Variants in USP42 observed in about 807,000 individuals in gnomAD.
The protein encoded by USP42 is ubiquitin specific peptidase 42.
Under a neutral mutation model 113.0 loss-of-function variants are expected in USP42, and 23 were observed. The ratio of observed to expected loss-of-function variants is 0.20; its 90% CI spans 0.15 to 0.29. USP42 has a LOEUF of 0.29. Ranked by LOEUF, USP42 falls within the 10% of genes least tolerant of loss-of-function variation. The pLI is 1.00. For synonymous variants in USP42, 933 were observed against 699.0 expected (o/e 1.33, Z -5.28); for missense variants, 2,174 against 1,779.8 (o/e 1.22, Z -3.99).
At position 6,139,553 on chromosome 7, in the gene USP42, G is replaced by A. The variant is rs1583646399; in HGVS notation, c.656+359G>A. The A allele has an allele frequency of 4.9e-6, 1 of 204,088 alleles. No individual in the cohort carries two copies. The highest frequency in any genetic ancestry group is 1.0e-4 in the South Asian group (1 of 9,864). The allele number at this position is 204,088 out of a possible 1,614,324, so 12.6% of individuals were successfully genotyped here. On this transcript the variant is annotated intron_variant, in intron 5 of 17. Transcript: ENST00000306177. The surrounding 1 kb of genome is among the most constrained non-coding windows in gnomAD (Gnocchi z 4.5). ...TTTTCTCTGCTGCCCTCCAGCCTGT[G>A]TTTATTTCCTGAACCCCCACCCCAA...
intron 3 of USP42, among the ~76,000 whole-genome samples, chr7:6,123,208 A>G (rs10257971): frequency 0.079 from 11,971 of 152,196 alleles, 631 homozygotes; most frequent in African/African-American, 0.14. Flanking sequence ...TTGCTCTGAA[A>G]TCTACTTCAT....
the USP42 span, among the ~76,000 whole-genome samples, chr7:6,093,694 C>T: frequency 2.8e-5 from 4 of 144,082 alleles, no homozygotes; most frequent in African/African-American, 8.0e-5. Context: ...CCCTCTTTCT[C>T]TCCCCCTCCC....
chr7:6,149,673 G>T lies in USP42; in HGVS notation c.1477G>T (p.Ala493Ser). 1 of 1,613,932 alleles carries T rather than the reference G, an allele frequency of 6.2e-7. No individual in the cohort carries two copies. The highest frequency in any genetic ancestry group is 8.5e-7 in the Non-Finnish European group (1 of 1,179,880). The change falls in exon 13 of 18, where the codon GCT (alanine) becomes TCT (serine). Residue 493 changes from alanine (A) to serine (S), a missense_variant. Coordinates refer to ENST00000306177, the MANE Select transcript of USP42 (RefSeq NM_032172.3). ...TAACGGGAATTCCAGTGTCAACAGG[G>T]CTAGTCCTGTTAATGCTTCAGCTTC... ...SPNGNSSVNR[A>S]SPVNASASVQ...
rs1213675270 is a variant in USP42, at chr7:6,161,165, C to G, written c.*647C>G. The G allele has an allele frequency of 6.6e-6, 1 of 152,534 alleles. No homozygotes were observed. Among genetic ancestry groups the G allele is most frequent in the Non-Finnish European group, 1.5e-5 (1 of 68,040 alleles). The allele number at this position is 152,534 out of a possible 1,614,324, so 9.4% of individuals were successfully genotyped here. ...AGTATTTACATTATGAATGTATAAC[C>G]CAGACATGATTTGTAAAGCCGACAG... is the stretch of plus-strand genomic sequence containing the variant. On this transcript the variant is annotated 3_prime_UTR_variant, in exon 18 of 18. Transcript: ENST00000306177.
chr7:6,105,577 C>G (rs895494856), intron 1 of USP42, among the ~76,000 whole-genome samples: 1 of 151,996 alleles, frequency 6.6e-6, no homozygotes, highest in Non-Finnish European at 1.5e-5. Context: ...GTTTTCCCAC[C>G]TTGGGCGCCC....
chr7:6,112,309 C>A (rs971387819), intron 2 of USP42, among the ~76,000 whole-genome samples: 6 of 152,018 alleles, frequency 3.9e-5, no homozygotes, highest in African/African-American at 1.4e-4. Context: ...ATTAGCTGGG[C>A]ATGGTGGTGT....
chr7:6,155,894 G>A (rs1261536108), intron 15 of USP42, among the ~76,000 whole-genome samples: 21 of 152,094 alleles, frequency 1.4e-4, no homozygotes. Flanking sequence ...GAGTAGCCGG[G>A]ACTGCAGGCG....
At chr7:6,152,996 C>T (rs1562852457) in intron 14 of USP42, 7 of 983,876 alleles carry the variant, frequency 7.1e-6, no homozygotes, top group African/African-American at 3.5e-5. Flanking sequence ...TGCGGCCAGG[C>T]GCGGTGGCTC....
the USP42 span, among the ~76,000 whole-genome samples, chr7:6,094,845 T>C: frequency 6.7e-6 from 1 of 149,138 alleles, no homozygotes; most frequent in Non-Finnish European, 1.5e-5. Flanking sequence ...TGGAGTACAG[T>C]GACGCAATCT....
At chr7:6,156,636 A>T in intron 15 of USP42, 118 bp from the exon 16 acceptor site, 1 of 1,400,074 alleles carries the variant, frequency 7.1e-7, no homozygotes, top group East Asian at 2.7e-5. Context: ...TTAGATAAGA[A>T]TTGTGCGTGT....
intron 1 of USP42, among the ~76,000 whole-genome samples, chr7:6,110,666 G>T (rs1286896170): frequency 2.0e-5 from 3 of 152,152 alleles, no homozygotes; most frequent in Non-Finnish European, 4.4e-5. Context: ...ATTAAGTCTA[G>T]ATTTTTTCTG....
chr7:6,144,073 G>T lies in USP42; in HGVS notation c.879-12G>T, dbSNP rs761656048. 6.6e-7 allele frequency: 1 copy of T among 1,516,818 alleles called. No individual in the cohort carries two copies. Among genetic ancestry groups the T allele is most frequent in the Non-Finnish European group, 8.8e-7 (1 of 1,132,256 alleles). The allele number at this position is 1,516,818 out of a possible 1,614,324, so 94.0% of individuals were successfully genotyped here. A position where few individuals can be genotyped will look rare whatever the true frequency, so the allele number is the denominator to read the frequency against. On this transcript the variant is annotated splice_polypyrimidine_tract_variant and intron_variant, in intron 8 of 17. Coordinates refer to ENST00000306177, the MANE Select transcript of USP42 (RefSeq NM_032172.3). ...TTCGTCTTCTTATACTTTTGTTTCT[G>T]TTTGTTTCAAGGTGTAAAAAGATGG...
the USP42 span, among the ~76,000 whole-genome samples, chr7:6,086,427 G>A: frequency 2.0e-5 from 3 of 150,638 alleles, no homozygotes; most frequent in South Asian, 2.1e-4. Flanking sequence ...GGATGGTCTC[G>A]ATCTCCTGAC....
At chr7:6,135,090 T>TC (rs1211499069) in intron 3 of USP42, among the ~76,000 whole-genome samples, 4 of 152,328 alleles carry the variant, frequency 2.6e-5, no homozygotes, top group East Asian at 1.9e-4. Context: ...GCGCCTGGCT[T>TC]CCACAGTGAT....
rs758926957 is a variant in USP42 at position 6,154,300 on chromosome 7, G to T, written c.2746G>T (p.Ala916Ser). Residue 916 changes from alanine to serine, a missense_variant, in exon 15 of 18, where the codon GCT (alanine) becomes TCT (serine). Physicochemically the swap from Ala to Ser is moderately conservative, Grantham distance 99. Coordinates refer to ENST00000306177, the MANE Select transcript of USP42 (RefSeq NM_032172.3). The part of the protein sequence containing the change: ...MAPAGHPEGD[A>S]EPSPGERVED... ...CCCGGCCGGTCACCCGGAAGGGGAC[G>T]CTGAGCCTAGCCCCGGCGAGAGGGT... 6.3e-7 allele frequency: 1 copy of T among 1,585,042 alleles called. No individual in the cohort carries two copies. The highest frequency in any genetic ancestry group is 1.3e-5 in the African/African-American group (1 of 74,334).
Position 6,154,942 on chromosome 7 carries a change from G to A in USP42, c.3388G>A (p.Asp1130Asn). ...GCCCCACGCCCTCGCCCCGCACCCC[G>A]ACCGCTTCTCCCACGACAGAACTGC... is the stretch of plus-strand genomic sequence containing the variant. ...GAPHALAPHP[D>N]RFSHDRTALV... Residue 1130 changes from aspartate to asparagine, a missense_variant, in exon 15 of 18, where the codon GAC becomes AAC. By Grantham distance (23) the Asp-to-Asn change is conservative. Transcript: ENST00000306177. 5.8e-6 allele frequency: 9 copies of A among 1,553,152 alleles called. No homozygotes were observed. The highest frequency in any genetic ancestry group is 7.0e-6 in the Non-Finnish European group (8 of 1,147,964).
intron 2 of USP42, among the ~76,000 whole-genome samples, chr7:6,113,066 G>C (rs1254426548): frequency 2.0e-5 from 3 of 151,806 alleles, no homozygotes; most frequent in East Asian, 3.9e-4. Context: ...ACCATGCCCA[G>C]CTACATTTTT....
At chr7:6,137,007 A>G (rs1781186841) in intron 4 of USP42, among the ~76,000 whole-genome samples, 1 of 152,222 alleles carries the variant, frequency 6.6e-6, no homozygotes, top group South Asian at 2.1e-4. Context: ...ACTTTTTTCT[A>G]TTTAATTTTT....
At chr7:6,110,442 A>G (rs1298971898) in intron 1 of USP42, among the ~76,000 whole-genome samples, 1 of 152,168 alleles carries the variant, frequency 6.6e-6, no homozygotes, top group African/African-American at 2.4e-5. Flanking sequence ...TTAAAATAGG[A>G]CTCAGAAAGA....
Sources: gnomAD v4.1 joint callset for allele counts (sites outside exome capture counted in the v4.1 genomes callset) on GRCh38, gnomAD v4.1.1 for gene constraint, Gnocchi (gnomAD v3.1) non-coding constraint, MANE v1.5 for transcripts, NCBI Gene and HGNC (gene_info 2026-07-23, HGNC 2026-07-21) for gene names.